CHCHD6: variants seen among roughly 807,000 people sequenced by gnomAD.
CHCHD6 encodes the protein MICOS complex subunit MIC25.
CHCHD6 carries 28 observed loss-of-function variants against 32.3 expected under a neutral mutation model. The ratio of observed to expected loss-of-function variants is 0.87; its 90% CI spans 0.64 to 1.19. The LOEUF is 1.19. Among genes scored for constraint, CHCHD6 ranks in the 50% most tolerant of loss-of-function variants. CHCHD6 has a pLI of 0.00. For missense variants in CHCHD6, 333 were observed against 307.0 expected, an observed-to-expected ratio of 1.08 and a Z score of -0.63; for synonymous variants, 122 against 117.5, an observed-to-expected ratio of 1.04 and a Z score of -0.25.
intron 4 of CHCHD6, among the ~76,000 whole-genome samples, chr3:126,736,217 TTCCGCA>T (rs1460924583): frequency 3.3e-5 from 5 of 152,220 alleles, no homozygotes; most frequent in Non-Finnish European, 7.3e-5. Context: ...CTCCTGCATC[TTCCGCA>T]TGGAAAGGTT....
intron 4 of CHCHD6, among the ~76,000 whole-genome samples, chr3:126,845,875 A>C (rs1345880602): frequency 6.6e-6 from 1 of 152,212 alleles, no homozygotes; most frequent in Non-Finnish European, 1.5e-5. Context: ...AGCAATGAAA[A>C]AACTGGCAAA....
At chr3:126,738,411 A>G (rs1243005515) in intron 4 of CHCHD6, among the ~76,000 whole-genome samples, 2 of 152,156 alleles carry the variant, frequency 1.3e-5, no homozygotes, top group Admixed American at 6.5e-5. Context: ...TTGAATTGCA[A>G]TTTTCTAAAA....
At chr3:126,932,152 C>G (rs1353055032) in intron 6 of CHCHD6, among the ~76,000 whole-genome samples, 1 of 152,110 alleles carries the variant, frequency 6.6e-6, no homozygotes, top group Non-Finnish European at 1.5e-5. Flanking sequence ...AGAGGGGCTT[C>G]AGAGCCTTCA....
chr3:126,844,625 C>T (rs182124244), intron 4 of CHCHD6, among the ~76,000 whole-genome samples: 11 of 152,082 alleles, frequency 7.2e-5, no homozygotes, highest in African/African-American at 1.7e-4. Context: ...ATTAATAACA[C>T]GAAGTTAGGA....
chr3:126,731,394 A>C (rs1935798243), intron 3 of CHCHD6, among the ~76,000 whole-genome samples: 2 of 152,238 alleles, frequency 1.3e-5, no homozygotes, highest in African/African-American at 4.8e-5. Flanking sequence ...CCAGTGGAGC[A>C]CAGGGTGGCA....
At chr3:126,736,758 G>A (rs985022610) in intron 4 of CHCHD6, among the ~76,000 whole-genome samples, 8 of 152,138 alleles carry the variant, frequency 5.3e-5, no homozygotes, top group Non-Finnish European at 1.0e-4. Context: ...TGAAGGCCAT[G>A]GGTGTCACTG....
chr3:126,807,857 G>A (rs186496288), intron 4 of CHCHD6, among the ~76,000 whole-genome samples: 33 of 152,228 alleles, frequency 2.2e-4, no homozygotes, highest in Admixed American at 9.8e-4. Flanking sequence ...GTAGTCTTAC[G>A]GGCCACATGG....
At chr3:126,817,540 C>T (rs1481451996) in intron 4 of CHCHD6, among the ~76,000 whole-genome samples, 1 of 152,186 alleles carries the variant, frequency 6.6e-6, no homozygotes, top group East Asian at 1.9e-4. Context: ...TGGCCTTTGC[C>T]TGCAGAACCC....
At chr3:126,898,562 G>T (rs1394257310) in intron 5 of CHCHD6, among the ~76,000 whole-genome samples, 1 of 152,120 alleles carries the variant, frequency 6.6e-6, no homozygotes, top group African/African-American at 2.4e-5. Flanking sequence ...TTGAGATGGA[G>T]TTTCTCGCTC....
intron 1 of CHCHD6, among the ~76,000 whole-genome samples, chr3:126,719,468 T>A (rs1181998931): frequency 1.3e-5 from 2 of 152,190 alleles, no homozygotes; most frequent in African/African-American, 4.8e-5. Flanking sequence ...TGCACCCCAT[T>A]GGTTCTTCAG....
At chr3:126,751,919 T>C (rs952186205) in intron 4 of CHCHD6, among the ~76,000 whole-genome samples, 1 of 152,218 alleles carries the variant, frequency 6.6e-6, no homozygotes, top group Non-Finnish European at 1.5e-5. Context: ...TTACCAGTTA[T>C]GCCCCTCCAA....
At chr3:126,798,155 C>T (rs1224275306) in intron 4 of CHCHD6, among the ~76,000 whole-genome samples, 3 of 152,042 alleles carry the variant, frequency 2.0e-5, no homozygotes, top group African/African-American at 4.8e-5. Flanking sequence ...GGGGGATGAG[C>T]GCAGCAGGGT....
chr3:126,875,890 C>T (rs1426590697), intron 5 of CHCHD6, among the ~76,000 whole-genome samples: 1 of 152,208 alleles, frequency 6.6e-6, no homozygotes, highest in Non-Finnish European at 1.5e-5. Context: ...GTGCTTTCTG[C>T]TCTTCTCCCA....
chr3:126,908,443 A>G (rs2078036815), intron 5 of CHCHD6, among the ~76,000 whole-genome samples: 1 of 152,224 alleles, frequency 6.6e-6, no homozygotes. Context: ...GGTTGACTCT[A>G]TAAATAACTA....
chr3:126,756,715 G>A (rs1370754310), intron 4 of CHCHD6, among the ~76,000 whole-genome samples: 3 of 152,200 alleles, frequency 2.0e-5, no homozygotes, highest in Non-Finnish European at 2.9e-5. Context: ...CACTCAACAG[G>A]TATTTATTGA....
chr3:126,941,955 C>A (rs1156989405), intron 6 of CHCHD6, among the ~76,000 whole-genome samples: 1 of 152,174 alleles, frequency 6.6e-6, no homozygotes, highest in Non-Finnish European at 1.5e-5. Context: ...CTTTCTGGTC[C>A]AGGAATCTGT....
At chr3:126,776,169 G>A (rs376133133) in intron 4 of CHCHD6, among the ~76,000 whole-genome samples, 9 of 152,158 alleles carry the variant, frequency 5.9e-5, no homozygotes, top group Admixed American at 4.6e-4. Flanking sequence ...TCTGTTAATA[G>A]TTTGAGCATC....
At chr3:126,745,501 C>T (rs1936459469) in intron 4 of CHCHD6, among the ~76,000 whole-genome samples, 1 of 152,136 alleles carries the variant, frequency 6.6e-6, no homozygotes, top group Non-Finnish European at 1.5e-5. Context: ...CCAAATTCCC[C>T]CAAAATGCAC....
chr3:126,808,256 AAG>A (rs1204506336), intron 4 of CHCHD6, among the ~76,000 whole-genome samples: 1 of 152,286 alleles, frequency 6.6e-6, no homozygotes, highest in East Asian at 1.9e-4. Context: ...CAGAGTGAGA[AAG>A]AGAGAGTGTG....
Sources: allele counts gnomAD v4.1 joint callset (sites outside exome capture counted in the v4.1 genomes callset), GRCh38; gene constraint gnomAD v4.1.1; transcripts MANE v1.5; gene names NCBI Gene and HGNC (gene_info 2026-07-23, HGNC 2026-07-21).